NSD3: variants seen among roughly 807,000 people sequenced by gnomAD.
NSD3 encodes the protein nuclear receptor binding SET domain protein 3.
NSD3 carries 24 observed loss-of-function variants against 160.8 expected under a neutral mutation model. That is an observed-to-expected ratio of 0.15 (90% CI 0.11 to 0.21). The LOEUF (loss-of-function observed/expected upper bound fraction) is 0.21. NSD3 is among the 10% of genes least tolerant of loss of function. The probability of loss-of-function intolerance (pLI) is 1.00; values close to 1 mark genes in which losing one functional copy is unlikely to be tolerated. For synonymous variants in NSD3, 520 were observed against 600.0 expected (o/e 0.87, Z 1.95); for missense variants, 1,157 against 1,735.9 (o/e 0.67, Z 5.93).
chr8:38,314,875 T>G (rs1392886195), intron 11 of NSD3, 102 bp from the exon 12 acceptor site: 11 of 1,291,196 alleles, frequency 8.5e-6, no homozygotes, highest in Non-Finnish European at 8.6e-6. Flanking sequence ...ACCCACAGAC[T>G]GTGATTCAGT....
chr8:38,378,878 A>G (rs1811469128), intron 1 of NSD3, among the ~76,000 whole-genome samples: 2 of 152,040 alleles, frequency 1.3e-5, no homozygotes, highest in Admixed American at 6.6e-5. Flanking sequence ...GGAGGATAAA[A>G]GGAAATCATG....
rs1428587071 is a variant in NSD3 at position 38,318,298 on chromosome 8, A to C, written c.1855+597T>G. Among the ~76,000 whole-genome samples the C allele has an allele frequency of 6.6e-6, 1 of 152,208 alleles. No individual in the cohort carries two copies. Among genetic ancestry groups the C allele is most frequent in the Non-Finnish European group, 1.5e-5 (1 of 68,048 alleles). ...AGTTTGATCTCACCAAAAACGCACG[A>C]ATCATGCTATGGAGTTTGTACTGTA... On this transcript the variant is annotated intron_variant, in intron 9 of 23. Transcript: ENST00000317025. This position sits in a 1 kb window ranked among gnomAD's most constrained non-coding sequence, Gnocchi z 5.3.
chr8:38,280,446 C>T (rs1009989240), intron 20 of NSD3, among the ~76,000 whole-genome samples: 4 of 152,010 alleles, frequency 2.6e-5, no homozygotes, highest in South Asian at 2.1e-4. Context: ...CAAACAATGA[C>T]GTATCAGTTA....
In NSD3 at chr8:38,274,079, T is replaced by A. The variant is rs1808545369; in HGVS notation, c.*1562A>T. On this transcript the variant is annotated 3_prime_UTR_variant, in exon 24 of 24. Transcript: ENST00000317025. ...TCTACCCTCCCTACCTTCATAAGGTTACTAGGTACTTGAGGGAAAATAAAT... is the reference window on the plus strand; with the variant it reads ...TCTACCCTCCCTACCTTCATAAGGTAACTAGGTACTTGAGGGAAAATAAAT... 6.6e-6 allele frequency: 1 copy of A among 152,170 alleles called. No homozygotes were observed. Among genetic ancestry groups the A allele is most frequent in the Non-Finnish European group, 1.5e-5 (1 of 68,032 alleles). 9.4% of individuals were successfully genotyped at this position (152,170 alleles called of 1,614,324 possible).
chr8:38,326,978 T>C, intron 6 of NSD3, 122 bp from the exon 7 acceptor site: 2 of 1,045,166 alleles, frequency 1.9e-6, no homozygotes, highest in Non-Finnish European at 2.7e-6. Context: ...GGTCTTTGAT[T>C]GCAATTAAGT....
chr8:38,320,166 T>C (rs1346941543), intron 8 of NSD3: 1 of 152,202 alleles, frequency 6.6e-6, no homozygotes, highest in Non-Finnish European at 1.5e-5. Flanking sequence ...TTCACTTGCT[T>C]GGTGATACCA....
At chr8:38,291,485 T>A (rs1470958149) in intron 16 of NSD3, among the ~76,000 whole-genome samples, 1 of 152,240 alleles carries the variant, frequency 6.6e-6, no homozygotes, top group Non-Finnish European at 1.5e-5. Context: ...AAACAATTTT[T>A]AACACATAAC....
intron 12 of NSD3, among the ~76,000 whole-genome samples, chr8:38,313,901 A>G (rs1250454795): frequency 2.0e-5 from 3 of 152,182 alleles, no homozygotes; most frequent in South Asian, 4.1e-4. Context: ...AAAGGAAAAG[A>G]AGGAGTAGAA....
intron 1 of NSD3, among the ~76,000 whole-genome samples, chr8:38,369,754 C>T (rs1811194632): frequency 6.6e-6 from 1 of 152,062 alleles, no homozygotes; most frequent in South Asian, 2.1e-4. Context: ...TTGACTCTTG[C>T]CCTATACTTC....
At chr8:38,328,941 A>G (rs746817537) in intron 6 of NSD3, among the ~76,000 whole-genome samples, 4 of 152,216 alleles carry the variant, frequency 2.6e-5, no homozygotes, top group Non-Finnish European at 5.9e-5. Context: ...ATCTAACAAA[A>G]TTGCTGGTGG....
At chr8:38,297,188 G>A (rs1327865347) in intron 15 of NSD3, among the ~76,000 whole-genome samples, 2 of 152,140 alleles carry the variant, frequency 1.3e-5, no homozygotes, top group Non-Finnish European at 2.9e-5. Context: ...CCATATGCAA[G>A]GAGCTAATTC....
rs148080162 is a variant in NSD3 at position 38,312,807 on chromosome 8, T to C, written c.2242+1840A>G. ...TATCCTTTCTATACAGCCTGCAGAATTGTGAGCCACTTAAACGTCTTTTCT... is the reference window on the plus strand; with the variant it reads ...TATCCTTTCTATACAGCCTGCAGAACTGTGAGCCACTTAAACGTCTTTTCT... On this transcript the variant is annotated intron_variant, in intron 12 of 23. Coordinates refer to ENST00000317025, the MANE Select transcript of NSD3 (RefSeq NM_023034.2). Among the ~76,000 whole-genome samples the C allele has an allele frequency of 2.4e-3, 365 of 152,296 alleles. 1 individual carries two copies. Among genetic ancestry groups the C allele is most frequent in the African/African-American group, 7.8e-3 (323 of 41,562 alleles).
At chr8:38,374,364 G>A (rs985549944) in intron 1 of NSD3, among the ~76,000 whole-genome samples, 1 of 152,130 alleles carries the variant, frequency 6.6e-6, no homozygotes, top group South Asian at 2.1e-4. Flanking sequence ...CACCTATGTA[G>A]AAAAATACTT....
chr8:38,288,549 C>T lies in NSD3; in HGVS notation c.3439G>A (p.Ala1147Thr), dbSNP rs1219574060. 2 of 1,614,174 alleles carry T rather than the reference C, an allele frequency of 1.2e-6. No individual in the cohort carries two copies. The highest frequency in any genetic ancestry group is 8.5e-7 in the Non-Finnish European group (1 of 1,180,032). The stretch of plus-strand genomic sequence containing the variant: ...CTCCGCTCCGTTTTGATGATCTCTG[C>T]ATCAGGGTATAGTCTCTTTGTAAAG... ...QCFTKRLYPDAEIIKTERRGW... is the reference protein window; with the variant it reads ...QCFTKRLYPDTEIIKTERRGW... Residue 1147 changes from alanine (A) to threonine (T), a missense_variant, in exon 19 of 24, where the codon GCA becomes ACA. Ala to Thr is a moderately conservative substitution (Grantham distance 58). This residue lies in a region of NSD3 where 222 missense variants were observed against 409.9 expected (regional missense o/e 0.54). Transcript: ENST00000317025. This position sits in a 1 kb window ranked among gnomAD's most constrained non-coding sequence, Gnocchi z 4.5.
At chr8:38,309,266 G>A (rs187810519) in intron 12 of NSD3, among the ~76,000 whole-genome samples, 132 of 152,184 alleles carry the variant, frequency 8.7e-4, no homozygotes, top group Middle Eastern at 3.4e-3. Flanking sequence ...TCAGGAGTTC[G>A]GGGCTAGCCT....
Position 38,329,363 on chromosome 8 carries a change from G to C in NSD3, c.1581+15C>G. 1 of 1,596,438 alleles carries C rather than the reference G, an allele frequency of 6.3e-7. No homozygotes were observed. Among genetic ancestry groups the C allele is most frequent in the African/African-American group, 1.3e-5 (1 of 74,194 alleles). ...AATACCATCCCCCAAAAAACTCCAC[G>C]AAAAAAGGAGGTACCTTTGTTGAAT... On this transcript the variant is annotated intron_variant, in intron 6 of 23. Coordinates refer to ENST00000317025, the MANE Select transcript of NSD3 (RefSeq NM_023034.2). This position sits in a 1 kb window ranked among gnomAD's most constrained non-coding sequence, Gnocchi z 4.8.
chr8:38,306,557 T>C (rs764597241), intron 12 of NSD3, among the ~76,000 whole-genome samples: 5 of 151,886 alleles, frequency 3.3e-5, no homozygotes, highest in Non-Finnish European at 5.9e-5. Context: ...TAGGGAAATA[T>C]GCAACAAAAA....
intron 15 of NSD3, among the ~76,000 whole-genome samples, chr8:38,298,197 T>C (rs557376786): frequency 5.9e-5 from 9 of 152,308 alleles, no homozygotes; most frequent in Admixed American, 5.9e-4. Flanking sequence ...TAAGCAACAA[T>C]TGAATTAATC....
intron 1 of NSD3, among the ~76,000 whole-genome samples, chr8:38,372,948 G>C (rs1324450532): frequency 6.0e-5 from 9 of 150,724 alleles, no homozygotes; most frequent in Non-Finnish European, 1.3e-4. Flanking sequence ...TACTCGGAAG[G>C]CTGACGCAGG....
Sources: allele counts gnomAD v4.1 joint callset (sites outside exome capture counted in the v4.1 genomes callset), GRCh38; gene constraint gnomAD v4.1.1; regional missense constraint gnomAD v4.1.1; non-coding constraint Gnocchi (gnomAD v3.1); transcripts MANE v1.5; gene names NCBI Gene and HGNC (gene_info 2026-07-23, HGNC 2026-07-21).